Variants in ACSL4 observed in about 807,000 individuals in gnomAD.
The protein encoded by ACSL4 is acyl-CoA synthetase long chain family member 4.
Under a neutral mutation model 49.1 loss-of-function variants are expected in ACSL4, and 9 were observed. That is an observed-to-expected ratio of 0.18 (90% CI 0.11 to 0.32). ACSL4 has a LOEUF of 0.32. Ranked by LOEUF, ACSL4 falls within the 10% of genes least tolerant of loss-of-function variation. The probability of loss-of-function intolerance (pLI) is 1.00; values close to 1 mark genes in which losing one functional copy is unlikely to be tolerated. For synonymous variants in ACSL4, 191 were observed against 170.3 expected (o/e 1.12, Z -0.95); for missense variants, 333 against 493.7 (o/e 0.67, Z 3.08).
intron 2 of ACSL4, among the ~76,000 whole-genome samples, chrX:109,695,469 C>A (rs1036103903): frequency 2.7e-5 from 3 of 109,794 alleles, no homozygotes; most frequent in African/African-American, 1.0e-4. Context: ...TGTAATCCAG[C>A]ACTTTGGAAG....
Position 109,663,317 on chromosome X carries a change from A to T in ACSL4, c.1476T>A (p.Asn492Lys). 1 of 1,209,473 alleles carries T rather than the reference A, an allele frequency of 8.3e-7. No homozygotes were observed. The highest frequency in any genetic ancestry group is 1.1e-6 in the Non-Finnish European group (1 of 893,604). ...GQNISMGYFK[N>K]EEKTAEDYSV... Reference sequence around the variant, plus strand: ...AATAATCTTCTGCTGTTTTCTCTTCATTTTTAAAATATCCCATGGAGATGT... The same window carrying T: ...AATAATCTTCTGCTGTTTTCTCTTCTTTTTTAAAATATCCCATGGAGATGT... Residue 492 changes from asparagine (N) to lysine (K), a missense_variant, in exon 13 of 16, where the codon AAT becomes AAA. Coordinates refer to ENST00000672401, the MANE Select transcript of ACSL4 (RefSeq NM_001318510.2).
intron 8 of ACSL4, among the ~76,000 whole-genome samples, chrX:109,676,425 T>C (rs1242937131): frequency 8.9e-6 from 1 of 111,828 alleles, no homozygotes; most frequent in Non-Finnish European, 1.9e-5. Context: ...ACCAACTACA[T>C]GCTCCATGGA....
chrX:109,700,737 T>C (rs754348748), intron 1 of ACSL4, among the ~76,000 whole-genome samples: 7 of 110,684 alleles, frequency 6.3e-5, no homozygotes, highest in Non-Finnish European at 9.5e-5. Context: ...GATAACTTTT[T>C]TAAAAAGTTT....
intron 14 of ACSL4, among the ~76,000 whole-genome samples, chrX:109,659,791 T>C (rs1463816340): frequency 9.0e-6 from 1 of 110,636 alleles, no homozygotes; most frequent in African/African-American, 3.3e-5. Flanking sequence ...CGTCAACAAA[T>C]GGTACTAGGA....
chrX:109,662,743 T>TA (rs912447691), intron 13 of ACSL4, among the ~76,000 whole-genome samples: 19 of 109,507 alleles, frequency 1.7e-4, no homozygotes, highest in South Asian at 1.5e-3. Flanking sequence ...TAGCCAACAG[T>TA]AAAAAAAAAT....
At chrX:109,669,284 T>G (rs774125952) in intron 9 of ACSL4, 111 bp from the exon 10 acceptor site, 12 of 555,522 alleles carry the variant, frequency 2.2e-5, no homozygotes, top group Non-Finnish European at 2.9e-5. Context: ...AATGGACATA[T>G]TTGTTTCTTT....
chrX:109,705,720 G>A (rs1184097508), intron 1 of ACSL4, among the ~76,000 whole-genome samples: 1 of 112,589 alleles, frequency 8.9e-6, no homozygotes, highest in African/African-American at 3.2e-5. Context: ...TTTGAGAGGT[G>A]GAGTTTTGCT....
chrX:109,651,145 GACT>G (rs1169276519), intron 15 of ACSL4, among the ~76,000 whole-genome samples: 3 of 111,642 alleles, frequency 2.7e-5, no homozygotes, highest in Admixed American at 9.5e-5. Context: ...TATTTATTAT[GACT>G]ACAAGGGTAA....
chrX:109,715,640 T>C (rs925660727), intron 1 of ACSL4, among the ~76,000 whole-genome samples: 1 of 110,148 alleles, frequency 9.1e-6, no homozygotes, highest in Admixed American at 9.8e-5. Context: ...AAATTATATA[T>C]ATATATAGAG....
At chrX:109,647,678 C>CA (rs1172310413) in intron 15 of ACSL4, among the ~76,000 whole-genome samples, 3 of 110,864 alleles carry the variant, frequency 2.7e-5, no homozygotes, top group Non-Finnish European at 5.7e-5. Context: ...AAGATCAGAG[C>CA]AAAACTGAAG....
intron 1 of ACSL4, among the ~76,000 whole-genome samples, chrX:109,724,267 GCTT>G (rs1927790639): frequency 9.0e-6 from 1 of 110,545 alleles, no homozygotes; most frequent in African/African-American, 3.3e-5. Flanking sequence ...TTTTTGGGGG[GCTT>G]TTTTGTTTTT....
intron 1 of ACSL4, among the ~76,000 whole-genome samples, chrX:109,704,011 G>A (rs1926164389): frequency 9.0e-6 from 1 of 110,554 alleles, no homozygotes; most frequent in African/African-American, 3.3e-5. Flanking sequence ...TTGTTTTTTA[G>A]TTTTAAGTAG....
Position 109,674,410 on chromosome X carries a change from C to T in ACSL4, c.994G>A (p.Ala332Thr). 2 of 1,203,955 alleles carry T rather than the reference C, an allele frequency of 1.7e-6. No homozygotes were observed. Among genetic ancestry groups the T allele is most frequent in the Non-Finnish European group, 2.3e-6 (2 of 888,218 alleles). Reference protein sequence around the residue: ...CTVLKPTLMAAVPEIMDRIYK... With the variant: ...CTVLKPTLMATVPEIMDRIYK... Reference sequence around the variant, plus strand: ...TCATATTCTGTACTCACCGGAACAGCAGCCATAAGTGTGGGCTTCAGTACA... The same window carrying T: ...TCATATTCTGTACTCACCGGAACAGTAGCCATAAGTGTGGGCTTCAGTACA... Residue 332 changes from alanine to threonine, a missense_variant, in exon 9 of 16, where the codon GCT (alanine) becomes ACT (threonine). Ala to Thr is a moderately conservative substitution (Grantham distance 58, BLOSUM62 0). This residue lies in a region of ACSL4 where 175 missense variants were observed against 275.8 expected (regional missense o/e 0.63). Transcript: ENST00000672401.
chrX:109,718,286 C>A (rs763805144), intron 1 of ACSL4, among the ~76,000 whole-genome samples: 1 of 112,423 alleles, frequency 8.9e-6, no homozygotes, highest in East Asian at 2.8e-4. Flanking sequence ...TGAGCTGCTT[C>A]AAAATGTGTT....
intron 2 of ACSL4, among the ~76,000 whole-genome samples, chrX:109,694,862 T>C (rs1245710133): frequency 2.7e-5 from 3 of 111,852 alleles, no homozygotes; most frequent in Admixed American, 1.9e-4. Context: ...AGGTGCTCTG[T>C]TGTATTTCTT....
At chrX:109,729,670 ATAAG>A (rs2147567854) in intron 1 of ACSL4, among the ~76,000 whole-genome samples, 1 of 112,409 alleles carries the variant, frequency 8.9e-6, no homozygotes, top group East Asian at 2.8e-4. Context: ...AAATAAATAA[ATAAG>A]TAAAACAAAC....
chrX:109,671,884 C>T (rs376492751), intron 9 of ACSL4, among the ~76,000 whole-genome samples: 1 of 109,726 alleles, frequency 9.1e-6, no homozygotes, highest in African/African-American at 3.3e-5. Flanking sequence ...GCAGCATGCT[C>T]GTTAACAGTC....
intron 15 of ACSL4, among the ~76,000 whole-genome samples, chrX:109,658,072 C>T (rs746281904): frequency 1.8e-5 from 2 of 111,130 alleles, no homozygotes; most frequent in East Asian, 5.6e-4. Context: ...GTTGTCAAAA[C>T]GTGTTTCAAA....
intron 1 of ACSL4, among the ~76,000 whole-genome samples, chrX:109,697,953 G>A (rs1220677090): frequency 2.7e-5 from 3 of 110,452 alleles, no homozygotes; most frequent in East Asian, 2.8e-4. Context: ...AAAACTATCC[G>A]CTAGTTTGCT....
Sources: gnomAD v4.1 joint callset for allele counts (sites outside exome capture counted in the v4.1 genomes callset) on GRCh38, gnomAD v4.1.1 for gene constraint, gnomAD v4.1.1 regional missense constraint, MANE v1.5 for transcripts, NCBI Gene and HGNC (gene_info 2026-07-23, HGNC 2026-07-21) for gene names.